Variants in KLHL29 observed in about 807,000 individuals in gnomAD.
The protein encoded by KLHL29 is kelch like family member 29.
Under a neutral mutation model 80.4 loss-of-function variants are expected in KLHL29, and 21 were observed. The ratio of observed to expected loss-of-function variants is 0.26; its 90% CI spans 0.19 to 0.38. The LOEUF (loss-of-function observed/expected upper bound fraction) is 0.38. Among genes scored for constraint, KLHL29 ranks in the 10% least tolerant of loss-of-function variants. The pLI is 1.00. For missense variants in KLHL29, 867 were observed against 1,223.9 expected (o/e 0.71, Z 4.35); for synonymous variants, 511 against 526.8 (o/e 0.97, Z 0.41).
chr2:23,482,899 A>G (rs1000627407), intron 2 of KLHL29, among the ~76,000 whole-genome samples: 1 of 152,112 alleles, frequency 6.6e-6, no homozygotes, highest in African/African-American at 2.4e-5. Context: ...CACATTGTAC[A>G]TTGTCCTAGG....
chr2:23,528,900 T>C (rs1558374681), intron 2 of KLHL29, among the ~76,000 whole-genome samples: 1 of 152,200 alleles, frequency 6.6e-6, no homozygotes, highest in Non-Finnish European at 1.5e-5. Context: ...AAGGCCAAGA[T>C]AGAACCGAGT....
rs919341042 is a variant in KLHL29 at position 23,684,851 on chromosome 2, G to A, written c.1079+314G>A. The stretch of plus-strand genomic sequence containing the variant: ...ATCCCAGGTTCTCAGTGGCTCACAA[G>A]CTGTCCCTGAGATTAGGGGGGACTG... On this transcript the variant is annotated intron_variant, in intron 6 of 13. Coordinates refer to ENST00000486442, the MANE Select transcript of KLHL29 (RefSeq NM_052920.2). This position sits in a 1 kb window ranked among gnomAD's most constrained non-coding sequence, Gnocchi z 4.4. 6.6e-6 allele frequency among the ~76,000 whole-genome samples: 1 copy of A among 152,174 alleles called. No individual in the cohort carries two copies. Among genetic ancestry groups the A allele is most frequent in the East Asian group, 1.9e-4 (1 of 5,188 alleles).
In KLHL29 at chr2:23,649,748, G is replaced by A. The variant is rs60324486; in HGVS notation, c.940+6898G>A. Among the ~76,000 whole-genome samples, 950 of 152,400 alleles carry A rather than the reference G, an allele frequency of 6.2e-3. 9 individuals carry two copies. The highest frequency in any genetic ancestry group is 0.022 in the African/African-American group (917 of 41,606). ...GGGGATGAGAGGGCTGTTCAGACGA[G>A]AGCCAAGGGTGGGAACATTTCCTTC... On this transcript the variant is annotated intron_variant, in intron 5 of 13. Coordinates refer to ENST00000486442, the MANE Select transcript of KLHL29 (RefSeq NM_052920.2).
intron 3 of KLHL29, among the ~76,000 whole-genome samples, chr2:23,598,463 AAC>A (rs67985708): frequency 0.03 from 4,609 of 152,268 alleles, 201 homozygotes; most frequent in African/African-American, 0.1. Flanking sequence ...ACTGTGCACA[AAC>A]ACACACACAC....
chr2:23,576,290 G>A (rs1667839916), intron 3 of KLHL29, among the ~76,000 whole-genome samples: 3 of 126,572 alleles, frequency 2.4e-5, no homozygotes, highest in South Asian at 5.9e-4. Flanking sequence ...GGGCAACAGA[G>A]CAAGACTCTA....
chr2:23,622,296 C>CCTCA (rs1190717938), intron 3 of KLHL29, among the ~76,000 whole-genome samples: 6 of 152,220 alleles, frequency 3.9e-5, no homozygotes, highest in Non-Finnish European at 8.8e-5. Context: ...TGCCCACACC[C>CCTCA]CTCATCCTGA....
At chr2:23,546,791 G>A (rs1330390186) in intron 2 of KLHL29, among the ~76,000 whole-genome samples, 1 of 152,248 alleles carries the variant, frequency 6.6e-6, no homozygotes, top group Non-Finnish European at 1.5e-5. Flanking sequence ...CACCAAGGCT[G>A]TGCCTGAATC....
Position 23,642,547 on chromosome 2 carries a change from C to A in KLHL29, c.637C>A (p.Pro213Thr). 6.5e-7 allele frequency: 1 copy of A among 1,542,320 alleles called. No individual in the cohort carries two copies. Among genetic ancestry groups the A allele is most frequent in the Admixed American group, 2.0e-5 (1 of 50,592 alleles). The change falls in exon 5 of 14, where the codon CCA becomes ACA. Residue 213 changes from proline (P) to threonine (T), a missense_variant. By Grantham distance (38) the Pro-to-Thr change is conservative. Transcript: ENST00000486442. Reference protein sequence around the residue: ...HYSLPQPPSQPLSSVVVNMPA... With the variant: ...HYSLPQPPSQTLSSVVVNMPA... ...CTCGCTCCCTCAGCCGCCCTCTCAG[C>A]CACTGAGCAGCGTGGTGGTCAACAT... is the stretch of plus-strand genomic sequence containing the variant.
rs12472951 is a variant in KLHL29 at position 23,647,579 on chromosome 2, C to A, written c.940+4729C>A. Among the ~76,000 whole-genome samples, 7,870 of 152,246 alleles carry A rather than the reference C, an allele frequency of 0.052. 442 individuals are homozygous for A. Among genetic ancestry groups the A allele is most frequent in the East Asian group, 0.25 (1,311 of 5,158 alleles). ...CCCCACCATCAGGCCACCGTCACCT[C>A]TGGCCTGCACACTGGCCTCCCAGCC... On this transcript the variant is annotated intron_variant, in intron 5 of 13. Coordinates refer to ENST00000486442, the MANE Select transcript of KLHL29 (RefSeq NM_052920.2). The surrounding 1 kb of genome is among the most constrained non-coding windows in gnomAD (Gnocchi z 4.9).
At position 23,706,599 on chromosome 2, in the gene KLHL29, C is replaced by T. The variant is rs1314638634; in HGVS notation, c.2563C>T (p.His855Tyr). Reference protein sequence around the residue: ...PTTNTWTLLPHMPCPVFRHGC... With the variant: ...PTTNTWTLLPYMPCPVFRHGC... ...AACCAACACATGGACCCTCCTCCCC[C>T]ACATGCCCTGCCCTGTGTTCAGACA... is the stretch of plus-strand genomic sequence containing the variant. Residue 855 changes from histidine to tyrosine, a missense_variant, in exon 14 of 14, where the codon CAC becomes TAC. Coordinates refer to ENST00000486442, the MANE Select transcript of KLHL29 (RefSeq NM_052920.2). 4 of 1,537,194 alleles carry T rather than the reference C, an allele frequency of 2.6e-6. No individual in the cohort carries two copies. Among genetic ancestry groups the T allele is most frequent in the African/African-American group, 1.4e-5 (1 of 73,168 alleles).
chr2:23,414,527 G>T (rs1239994412), intron 1 of KLHL29, among the ~76,000 whole-genome samples: 5 of 152,238 alleles, frequency 3.3e-5, no homozygotes, highest in African/African-American at 9.6e-5. Context: ...TGGGTGGAAA[G>T]CATGTCAGCT....
intron 3 of KLHL29, among the ~76,000 whole-genome samples, chr2:23,593,722 T>C (rs1668325531): frequency 6.6e-6 from 1 of 152,192 alleles, no homozygotes; most frequent in Admixed American, 6.5e-5. Flanking sequence ...AAATGCAGTG[T>C]CTTCACCTCG....
chr2:23,422,812 C>T (rs1662859455), intron 1 of KLHL29, among the ~76,000 whole-genome samples: 1 of 152,130 alleles, frequency 6.6e-6, no homozygotes, highest in Non-Finnish European at 1.5e-5. Context: ...GTGCAGTCTG[C>T]ATGTGCAGGT....
At chr2:23,704,118 G>T (rs1369518361) in intron 13 of KLHL29, among the ~76,000 whole-genome samples, 1 of 152,188 alleles carries the variant, frequency 6.6e-6, no homozygotes, top group Non-Finnish European at 1.5e-5. Flanking sequence ...TTTCCTGAAG[G>T]CATCAAGGCT....
intron 1 of KLHL29, among the ~76,000 whole-genome samples, chr2:23,452,007 C>A (rs1020485455): frequency 6.6e-6 from 1 of 151,680 alleles, no homozygotes; most frequent in Admixed American, 6.6e-5. Context: ...GGGGGAGGTG[C>A]CACTCTTATT....
Position 23,682,700 on chromosome 2 carries a change from G to A in KLHL29, c.941-1699G>A, listed in dbSNP as rs183953053. ...CTCCCACACCCTCCCGCACCCTCCC[G>A]CGCCCTCCCACTGGTGCTCTGAGCC... On this transcript the variant is annotated intron_variant, in intron 5 of 13. Coordinates refer to ENST00000486442, the MANE Select transcript of KLHL29 (RefSeq NM_052920.2). The surrounding 1 kb of genome is among the most constrained non-coding windows in gnomAD (Gnocchi z 4.1). Among the ~76,000 whole-genome samples the A allele has an allele frequency of 0.01, 1,514 of 144,218 alleles. 15 individuals carry two copies. The highest frequency in any genetic ancestry group is 0.016 in the Non-Finnish European group (1,073 of 66,188). The allele number at this position is 144,218 out of a possible 152,430, so 94.6% of individuals were successfully genotyped here.
intron 2 of KLHL29, among the ~76,000 whole-genome samples, chr2:23,485,706 C>G (rs1218826743): frequency 2.0e-5 from 3 of 152,212 alleles, no homozygotes; most frequent in African/African-American, 7.2e-5. Flanking sequence ...TAAATGGTCA[C>G]AAGCACAGCT....
chr2:23,495,637 C>T lies in KLHL29; in HGVS notation c.-46+19970C>T, dbSNP rs113220491. On this transcript the variant is annotated intron_variant, in intron 2 of 13. Transcript: ENST00000486442. ...ATCACAGAGGAGCTTTGGGGTCAAG[C>T]CTGCACCGTACCCACCTCCACTGTA... 3.9e-5 allele frequency among the ~76,000 whole-genome samples: 6 copies of T among 152,310 alleles called. 1 individual carries two copies. Among genetic ancestry groups the T allele is most frequent in the African/African-American group, 1.4e-4 (6 of 41,566 alleles).
chr2:23,394,542 A>T (rs1344184953), intron 1 of KLHL29, among the ~76,000 whole-genome samples: 1 of 152,248 alleles, frequency 6.6e-6, no homozygotes, highest in Non-Finnish European at 1.5e-5. Flanking sequence ...CGGATGGGTT[A>T]CAGGGAGGAA....
Sources: allele counts gnomAD v4.1 joint callset (sites outside exome capture counted in the v4.1 genomes callset), GRCh38; gene constraint gnomAD v4.1.1; non-coding constraint Gnocchi (gnomAD v3.1); transcripts MANE v1.5; gene names NCBI Gene and HGNC (gene_info 2026-07-23, HGNC 2026-07-21).